IL1RAPL2: variants seen among roughly 807,000 people sequenced by gnomAD.
IL1RAPL2 encodes interleukin 1 receptor accessory protein like 2.
In IL1RAPL2, 3 loss-of-function variants were observed where a neutral mutation model predicts 44.1. The ratio of observed to expected loss-of-function variants is 0.07; its 90% CI spans 0.03 to 0.18. The LOEUF (loss-of-function observed/expected upper bound fraction) is 0.18. Among genes scored for constraint, IL1RAPL2 ranks in the 10% least tolerant of loss-of-function variants. The pLI is 1.00. For missense variants in IL1RAPL2, 391 were observed against 496.4 expected, an observed-to-expected ratio of 0.79 and a Z score of 2.02; for synonymous variants, 181 against 178.8, an observed-to-expected ratio of 1.01 and a Z score of -0.10.
intron 2 of IL1RAPL2, among the ~76,000 whole-genome samples, chrX:104,753,423 C>G (rs770544266): frequency 9.0e-6 from 1 of 111,219 alleles, no homozygotes; most frequent in Non-Finnish European, 1.9e-5. Flanking sequence ...TATGGGACCT[C>G]AGACAGAGCT....
In IL1RAPL2 at chrX:105,267,551, A is replaced by C; in HGVS notation, c.697+10A>C. On this transcript the variant is annotated intron_variant, in intron 5 of 10. Coordinates refer to ENST00000372582, the MANE Select transcript of IL1RAPL2 (RefSeq NM_017416.2). ...GAATTGAAAGTTACAGGTAGGAATC[A>C]GTTCTACAAAATTACGGCAAATGAG... 8.7e-7 allele frequency: 1 copy of C among 1,153,332 alleles called. No homozygotes were observed. Among genetic ancestry groups the C allele is most frequent in the Admixed American group, 2.7e-5 (1 of 37,527 alleles).
chrX:105,172,943 C>A (rs2033437107), intron 2 of IL1RAPL2, among the ~76,000 whole-genome samples: 1 of 111,002 alleles, frequency 9.0e-6, no homozygotes, highest in Admixed American at 9.6e-5. Context: ...GGTCTAGAAC[C>A]TTAAACTTTG....
chrX:104,637,314 C>A (rs1211464013), intron 1 of IL1RAPL2, among the ~76,000 whole-genome samples: 1 of 111,178 alleles, frequency 9.0e-6, no homozygotes, highest in Non-Finnish European at 1.9e-5. Flanking sequence ...ATTTTTATTT[C>A]TTTCTCTTAC....
intron 2 of IL1RAPL2, among the ~76,000 whole-genome samples, chrX:104,752,502 C>T (rs941806768): frequency 9.9e-5 from 11 of 110,614 alleles, no homozygotes; most frequent in Non-Finnish European, 2.1e-4. Flanking sequence ...CTAGTACAAG[C>T]TTTGCTCATG....
intron 2 of IL1RAPL2, among the ~76,000 whole-genome samples, chrX:104,777,541 AATTATTATT>A (rs376271609): frequency 0.041 from 3,526 of 85,264 alleles, 172 homozygotes; most frequent in African/African-American, 0.11. Flanking sequence ...CTCTGCTTTC[AATTATTATT>A]ATTATTATTA....
chrX:105,369,707 G>C (rs767002150), intron 5 of IL1RAPL2, among the ~76,000 whole-genome samples: 1 of 111,298 alleles, frequency 9.0e-6, no homozygotes, highest in African/African-American at 3.3e-5. Flanking sequence ...GGACTGCACA[G>C]ACCCAACAAC....
intron 2 of IL1RAPL2, among the ~76,000 whole-genome samples, chrX:104,730,732 A>C (rs893285173): frequency 1.1e-4 from 12 of 108,888 alleles, no homozygotes; most frequent in Non-Finnish European, 2.3e-4. Flanking sequence ...CTTTGGGTAT[A>C]TACCCAGTAA....
intron 6 of IL1RAPL2, among the ~76,000 whole-genome samples, chrX:105,618,956 C>A (rs1185993565): frequency 3.6e-5 from 4 of 111,087 alleles, no homozygotes; most frequent in Non-Finnish European, 7.6e-5. Flanking sequence ...GCTTCACCTG[C>A]ACAAGAGCTG....
chrX:105,193,125 A>G (rs2033646192), intron 2 of IL1RAPL2, among the ~76,000 whole-genome samples: 1 of 112,212 alleles, frequency 8.9e-6, no homozygotes, highest in Non-Finnish European at 1.9e-5. Flanking sequence ...TTAACATTGT[A>G]AAAGTGTAGA....
intron 3 of IL1RAPL2, among the ~76,000 whole-genome samples, chrX:105,208,171 T>G (rs897487339): frequency 1.3e-4 from 14 of 110,838 alleles, no homozygotes; most frequent in African/African-American, 4.6e-4. Flanking sequence ...AACCTAACAA[T>G]AATACTTGCT....
chrX:105,076,603 A>T (rs1220123823), intron 2 of IL1RAPL2, among the ~76,000 whole-genome samples: 1 of 110,196 alleles, frequency 9.1e-6, no homozygotes, highest in Non-Finnish European at 1.9e-5. Flanking sequence ...ATCCTTGTTA[A>T]CTTTCTGTCT....
rs199856354 is a variant in IL1RAPL2 at position 104,582,731 on chromosome X, C to CCCTT, written c.-20+15698_-20+15701dup. ...TTTATTTCTTTCTTTCTCTCTCTCT[C>CCCTT]CCTTCCTTCCTTCCTTCCTTCTTTC... On this transcript the variant is annotated intron_variant, in intron 1 of 10. Coordinates refer to ENST00000372582, the MANE Select transcript of IL1RAPL2 (RefSeq NM_017416.2). 3.4e-3 allele frequency among the ~76,000 whole-genome samples: 261 copies of CCCTT among 77,012 alleles called. 5 individuals carry two copies. The highest frequency in any genetic ancestry group is 0.012 in the African/African-American group (218 of 18,310). 66.9% of individuals were successfully genotyped at this position (77,012 alleles called of 115,157 possible). A position where few individuals can be genotyped will look rare whatever the true frequency, so the allele number is the denominator to read the frequency against.
chrX:105,649,713 T>C (rs1419207851), intron 6 of IL1RAPL2, among the ~76,000 whole-genome samples: 4 of 110,275 alleles, frequency 3.6e-5, no homozygotes, highest in Non-Finnish European at 7.6e-5. Context: ...GTTTAAGGAG[T>C]GGGGCAAAGA....
intron 5 of IL1RAPL2, among the ~76,000 whole-genome samples, chrX:105,309,981 G>A (rs1011364709): frequency 1.2e-4 from 13 of 111,200 alleles, no homozygotes; most frequent in African/African-American, 3.9e-4. Context: ...TGAGTATCAT[G>A]ATTATGATGG....
intron 4 of IL1RAPL2, among the ~76,000 whole-genome samples, chrX:105,255,388 T>C (rs2034305711): frequency 8.9e-6 from 1 of 112,092 alleles, no homozygotes; most frequent in African/African-American, 3.2e-5. Context: ...ATACATTGAT[T>C]TAACATTTTT....
intron 5 of IL1RAPL2, among the ~76,000 whole-genome samples, chrX:105,456,137 A>G (rs1157016633): frequency 8.9e-6 from 1 of 112,083 alleles, no homozygotes; most frequent in African/African-American, 3.2e-5. Flanking sequence ...TTGTTGGTGT[A>G]TAGAAATGTT....
intron 2 of IL1RAPL2, among the ~76,000 whole-genome samples, chrX:104,849,310 A>C (rs1922156076): frequency 1.1e-5 from 1 of 94,356 alleles, no homozygotes; most frequent in African/African-American, 3.8e-5. Context: ...TCAGCCTCCC[A>C]AAGTGCTGGT....
chrX:105,134,262 A>G (rs1338516290), intron 2 of IL1RAPL2, among the ~76,000 whole-genome samples: 1 of 112,356 alleles, frequency 8.9e-6, no homozygotes, highest in African/African-American at 3.2e-5. Flanking sequence ...GAATTAGCCA[A>G]TGGCTTAAAT....
At chrX:104,940,444 T>A (rs1031888265) in intron 2 of IL1RAPL2, among the ~76,000 whole-genome samples, 5 of 111,877 alleles carry the variant, frequency 4.5e-5, no homozygotes, top group Non-Finnish European at 9.4e-5. Context: ...AGGGGAAATA[T>A]AAAGCAATAT....
Sources: allele counts gnomAD v4.1 joint callset (sites outside exome capture counted in the v4.1 genomes callset), GRCh38; gene constraint gnomAD v4.1.1; transcripts MANE v1.5; gene names NCBI Gene and HGNC (gene_info 2026-07-23, HGNC 2026-07-21).